The following RARB variants were observed in gnomAD, a reference collection of about 807,000 sequenced individuals.
RARB encodes the protein HBV-activated protein.
A neutral mutation model predicts 51.9 loss-of-function variants in RARB; 17 were observed. The observed-to-expected ratio is 0.33, with a 90% confidence interval of 0.22 to 0.49. The LOEUF is 0.49. RARB is among the 20% of genes least tolerant of loss of function. The pLI, the probability that RARB is intolerant of heterozygous loss-of-function variation, is 0.99. For missense variants in RARB, 369 were observed against 550.8 expected (o/e 0.67, Z 3.30); for synonymous variants, 215 against 195.4 (o/e 1.10, Z -0.84).
intron 3 of RARB, among the ~76,000 whole-genome samples, chr3:25,102,146 C>T (rs770498598): frequency 7.2e-5 from 11 of 152,112 alleles, no homozygotes; most frequent in Non-Finnish European, 1.5e-4. Flanking sequence ...CCTAAGCATG[C>T]ACGTTAGCAT....
At chr3:25,504,739 A>G (rs1196032828) in intron 3 of RARB, among the ~76,000 whole-genome samples, 4 of 136,080 alleles carry the variant, frequency 2.9e-5, no homozygotes, top group African/African-American at 8.0e-5. Context: ...TGGACAGGGT[A>G]TTTTCTATGT....
At chr3:25,039,837 T>C (rs1698077015) in intron 2 of RARB, among the ~76,000 whole-genome samples, 1 of 152,204 alleles carries the variant, frequency 6.6e-6, no homozygotes, top group Admixed American at 6.5e-5. Context: ...AATTGTTGCA[T>C]AGATTTTGCA....
At chr3:24,903,665 G>A (rs1040583485) in intron 2 of RARB, among the ~76,000 whole-genome samples, 1 of 152,042 alleles carries the variant, frequency 6.6e-6, no homozygotes, top group Non-Finnish European at 1.5e-5. Flanking sequence ...ACCCAGCATG[G>A]TGTCTTTAGG....
chr3:25,212,806 T>C (rs1407835457), intron 5 of RARB, among the ~76,000 whole-genome samples: 1 of 152,204 alleles, frequency 6.6e-6, no homozygotes. Context: ...ATTGTTAGCT[T>C]GAACTCCATT....
chr3:25,097,941 G>C (rs918603744), intron 3 of RARB, among the ~76,000 whole-genome samples: 2 of 152,118 alleles, frequency 1.3e-5, no homozygotes, highest in African/African-American at 4.8e-5. Flanking sequence ...AGAAAACCAT[G>C]GTCCCTACCT....
intron 2 of RARB, among the ~76,000 whole-genome samples, chr3:25,049,682 TAAAATTAA>T (rs1698287964): frequency 6.6e-6 from 1 of 152,076 alleles, no homozygotes; most frequent in Admixed American, 6.6e-5. Context: ...CATGAAAAAA[TAAAATTAA>T]AAAATTAAGG....
At chr3:25,189,421 G>A (rs1257160883) in intron 5 of RARB, among the ~76,000 whole-genome samples, 1 of 152,136 alleles carries the variant, frequency 6.6e-6, no homozygotes, top group Non-Finnish European at 1.5e-5. Context: ...CCTTGACAAG[G>A]ACCTGAGGAG....
intron 2 of RARB, among the ~76,000 whole-genome samples, chr3:24,872,266 G>A (rs1489309773): frequency 6.6e-6 from 1 of 152,070 alleles, no homozygotes; most frequent in Non-Finnish European, 1.5e-5. Flanking sequence ...GCTATGTCTT[G>A]AGCACAGAAG....
intron 2 of RARB, among the ~76,000 whole-genome samples, chr3:24,985,784 G>A (rs1028714064): frequency 5.3e-5 from 8 of 152,220 alleles, no homozygotes; most frequent in Admixed American, 3.9e-4. Flanking sequence ...CAGCAGCTGT[G>A]TTAATTAGAT....
Position 25,428,687 on chromosome 3 carries a change from C to T in RARB, c.-45C>T. On this transcript the variant is annotated 5_prime_UTR_variant, in exon 1 of 8. Transcript: ENST00000330688. The stretch of plus-strand genomic sequence containing the variant: ...CTTTTCTATGCCATTTGCCTCCACA[C>T]CTAGAGGATAAGCACTTTTGCAGAC... 3 of 1,575,574 alleles carry T rather than the reference C, an allele frequency of 1.9e-6. No individual in the cohort carries two copies. Among genetic ancestry groups the T allele is most frequent in the Non-Finnish European group, 2.6e-6 (3 of 1,151,942 alleles).
intron 5 of RARB, among the ~76,000 whole-genome samples, chr3:25,263,639 G>GTATT (rs1191417457): frequency 6.6e-6 from 1 of 152,146 alleles, no homozygotes; most frequent in East Asian, 1.9e-4. Flanking sequence ...AATGAGCCAT[G>GTATT]TATTGTCTTT....
At chr3:25,208,334 GA>G (rs1701607621) in intron 5 of RARB, among the ~76,000 whole-genome samples, 1 of 152,098 alleles carries the variant, frequency 6.6e-6, no homozygotes, top group African/African-American at 2.4e-5. Context: ...CTGAAATTTT[GA>G]ATATAAGTTC....
At chr3:24,892,710 A>T (rs13095194) in intron 2 of RARB, among the ~76,000 whole-genome samples, 51,135 of 152,130 alleles carry the variant, frequency 0.34, 10,888 homozygotes, top group Non-Finnish European at 0.46. Flanking sequence ...TGTAATTCTT[A>T]GTGTAAGAGT....
intron 3 of RARB, among the ~76,000 whole-genome samples, chr3:25,533,961 G>A (rs1175489471): frequency 6.6e-6 from 1 of 152,118 alleles, no homozygotes; most frequent in Non-Finnish European, 1.5e-5. Context: ...GCTCTTAGGG[G>A]GCTTCTCAGA....
At chr3:25,313,205 C>A (rs115405854) in intron 5 of RARB, among the ~76,000 whole-genome samples, 1 of 152,046 alleles carries the variant, frequency 6.6e-6, no homozygotes. Flanking sequence ...TAGGAAGACC[C>A]GCTTGTTTTT....
At chr3:25,308,895 T>A (rs369506807) in intron 5 of RARB, among the ~76,000 whole-genome samples, 3 of 152,344 alleles carry the variant, frequency 2.0e-5, no homozygotes, top group East Asian at 3.9e-4. Context: ...ATCCCAGATG[T>A]GGTTCTACCA....
chr3:25,083,993 G>T (rs566750846), intron 3 of RARB, among the ~76,000 whole-genome samples: 3 of 152,056 alleles, frequency 2.0e-5, no homozygotes, highest in Non-Finnish European at 4.4e-5. Flanking sequence ...TGGAATCTTT[G>T]TTCATCTTCC....
chr3:25,114,415 A>G (rs902046507), intron 3 of RARB, among the ~76,000 whole-genome samples: 1 of 149,124 alleles, frequency 6.7e-6, no homozygotes, highest in African/African-American at 2.4e-5. Flanking sequence ...ATGCTCTGAA[A>G]GTATCCTTGA....
At chr3:25,454,240 G>A (rs2125545810) in intron 1 of RARB, among the ~76,000 whole-genome samples, 1 of 152,336 alleles carries the variant, frequency 6.6e-6, no homozygotes. Flanking sequence ...GAACTTTGGC[G>A]TTTCCTTTGA....
Sources: gnomAD v4.1 joint callset for allele counts (sites outside exome capture counted in the v4.1 genomes callset) on GRCh38, gnomAD v4.1.1 for gene constraint, MANE v1.5 for transcripts, NCBI Gene and HGNC (gene_info 2026-07-23, HGNC 2026-07-21) for gene names.